Variants in MYL12B observed in about 807,000 individuals in gnomAD.
The protein encoded by MYL12B is myosin light chain 12B, also known as myosin regulatory light chain 12B.
MYL12B carries 3 observed loss-of-function variants against 12.9 expected under a neutral mutation model. The observed-to-expected ratio is 0.23, with a 90% CI of 0.11 to 0.60. MYL12B has a LOEUF of 0.60. Among genes scored for constraint, MYL12B ranks in the 20% least tolerant of loss-of-function variants. The probability of loss-of-function intolerance (pLI) is 0.89; values close to 1 mark genes in which losing one functional copy is unlikely to be tolerated. For missense variants in MYL12B, 120 were observed against 215.4 expected (o/e 0.56, Z 2.77); for synonymous variants, 57 against 71.9 (o/e 0.79, Z 1.05).
intron 1 of MYL12B, among the ~76,000 whole-genome samples, chr18:3,266,636 CT>C (rs1392069530): frequency 2.6e-5 from 4 of 152,146 alleles, no homozygotes; most frequent in African/African-American, 9.7e-5. Flanking sequence ...TTGTTGAACA[CT>C]TATGGCCTGC....
chr18:3,271,895 G>A (rs1042252354), intron 1 of MYL12B, among the ~76,000 whole-genome samples: 1 of 151,756 alleles, frequency 6.6e-6, no homozygotes, highest in Non-Finnish European at 1.5e-5. Context: ...ACGGAGAATG[G>A]AGGAATGATT....
At chr18:3,277,653 T>C in intron 3 of MYL12B, 112 bp from the exon 4 acceptor site, 1 of 1,366,466 alleles carries the variant, frequency 7.3e-7, no homozygotes, top group South Asian at 1.6e-5. Flanking sequence ...CTTACTTTGT[T>C]TATAGATATG....
chr18:3,262,641 G>A (rs1015144034), intron 1 of MYL12B: 3 of 152,528 alleles, frequency 2.0e-5, no homozygotes, highest in Non-Finnish European at 4.4e-5. Flanking sequence ...GGCGGGTCCT[G>A]GCGGTGGATT....
intron 2 of MYL12B, among the ~76,000 whole-genome samples, chr18:3,274,606 C>T (rs1160628807): frequency 6.6e-6 from 1 of 152,106 alleles, no homozygotes; most frequent in Non-Finnish European, 1.5e-5. Flanking sequence ...TCGGCATATG[C>T]CTTATTTGAA....
At chr18:3,277,226 T>C in intron 2 of MYL12B, 27 bp from the exon 3 acceptor site, 2 of 1,526,732 alleles carry the variant, frequency 1.3e-6, no homozygotes, top group Non-Finnish European at 1.8e-6. Context: ...TTTTTGTCTT[T>C]AAATGTTAAA....
intron 1 of MYL12B, among the ~76,000 whole-genome samples, chr18:3,266,036 AAGGAGACAGTGGCTTTATT>A (rs1392750455): frequency 2.0e-5 from 3 of 152,244 alleles, no homozygotes; most frequent in Admixed American, 2.0e-4. Flanking sequence ...TAAAGAGGTC[AAGGAGACAGTGGCTTTATT>A]ACTTTTCTAT....
intron 1 of MYL12B, among the ~76,000 whole-genome samples, chr18:3,265,916 T>C (rs1389010191): frequency 6.6e-6 from 1 of 152,188 alleles, no homozygotes; most frequent in Admixed American, 6.5e-5. Context: ...CTTTAAACTT[T>C]TCTGTTCAGA....
At chr18:3,264,125 G>T (rs2144350735) in intron 1 of MYL12B, among the ~76,000 whole-genome samples, 1 of 152,274 alleles carries the variant, frequency 6.6e-6, no homozygotes, top group Admixed American at 6.5e-5. Context: ...AGTTTCCTTA[G>T]GGATCTCTTG....
In MYL12B at chr18:3,278,035, GT is replaced by G; in HGVS notation, c.*101del. On this transcript the variant is annotated 3_prime_UTR_variant, in exon 4 of 4. Transcript: ENST00000237500. ...CATAGAACCTGTTGCATGCAACTTA[GT>G]TTCACAGCTTTGCCTCTTCTTTTTG... is the stretch of plus-strand genomic sequence containing the variant. The G allele has an allele frequency of 7.0e-7, 1 of 1,431,902 alleles. No homozygotes were observed. Among genetic ancestry groups the G allele is most frequent in the Non-Finnish European group, 9.4e-7 (1 of 1,059,310 alleles). 88.7% of individuals were successfully genotyped at this position (1,431,902 alleles called of 1,614,324 possible).
intron 1 of MYL12B, among the ~76,000 whole-genome samples, chr18:3,264,757 C>T (rs190191038): frequency 1.3e-3 from 197 of 152,180 alleles, no homozygotes; most frequent in African/African-American, 4.2e-3. Context: ...TGTACAATTC[C>T]ATTTATAAGA....
intron 1 of MYL12B, among the ~76,000 whole-genome samples, chr18:3,263,702 T>C (rs938324477): frequency 6.6e-6 from 1 of 152,244 alleles, no homozygotes; most frequent in African/African-American, 2.4e-5. Context: ...GAGTTTATCA[T>C]ACCCTTTTTG....
intron 2 of MYL12B, chr18:3,276,651 C>A: frequency 1.4e-6 from 1 of 715,476 alleles, no homozygotes; most frequent in Non-Finnish European, 1.7e-6. Context: ...AACTTATGGG[C>A]ATCTGTACCA....
At position 3,278,071 on chromosome 18, in the gene MYL12B, T is replaced by C; in HGVS notation, c.*134T>C. ...TTGCCTCTTCTTTTTGATGTATTTA[T>C]TCCAGACCTTTCTGCCACTTAGCAC... is the stretch of plus-strand genomic sequence containing the variant. On this transcript the variant is annotated 3_prime_UTR_variant, in exon 4 of 4. Transcript: ENST00000237500. The C allele has an allele frequency of 9.2e-7, 1 of 1,084,060 alleles. No homozygotes were observed. 67.2% of individuals were successfully genotyped at this position (1,084,060 alleles called of 1,614,324 possible).
rs1298548185 is a variant in MYL12B, at chr18:3,278,316, GGTAGTCCT to G, written c.*380_*387del. On this transcript the variant is annotated 3_prime_UTR_variant, in exon 4 of 4. Coordinates refer to ENST00000237500, the MANE Select transcript of MYL12B (RefSeq NM_033546.4). ...GTTAAACAAATGATTGATAGGTGGGGGTAGTCCTTTTTTCAGGTTTTCAACTTCATATG... is the reference window on the plus strand; with the variant it reads ...GTTAAACAAATGATTGATAGGTGGGGTTTTTCAGGTTTTCAACTTCATATG... 2 of 167,518 alleles carry G rather than the reference GGTAGTCCT, an allele frequency of 1.2e-5. No homozygotes were observed. Among genetic ancestry groups the G allele is most frequent in the East Asian group, 3.7e-4 (2 of 5,478 alleles). The allele number at this position is 167,518 out of a possible 1,614,324, so 10.4% of individuals were successfully genotyped here.
chr18:3,274,634 G>T (rs753062065), intron 2 of MYL12B, among the ~76,000 whole-genome samples: 3 of 152,180 alleles, frequency 2.0e-5, no homozygotes, highest in Admixed American at 6.5e-5. Flanking sequence ...TGAACACTCA[G>T]CAGTGTATGA....
At chr18:3,264,484 A>G (rs1181173756) in intron 1 of MYL12B, among the ~76,000 whole-genome samples, 3 of 152,132 alleles carry the variant, frequency 2.0e-5, no homozygotes, top group Admixed American at 2.0e-4. Flanking sequence ...TGGGGGGATC[A>G]TTTGAAGCCA....
chr18:3,277,682 A>G (rs2081744942), intron 3 of MYL12B, 83 bp from the exon 4 acceptor site: 1 of 1,460,300 alleles, frequency 6.8e-7, no homozygotes, highest in African/African-American at 1.4e-5. Context: ...GAAATATTTT[A>G]TACGATTGAC....
chr18:3,270,730 C>T (rs1285196371), intron 1 of MYL12B, among the ~76,000 whole-genome samples: 1 of 152,170 alleles, frequency 6.6e-6, no homozygotes, highest in East Asian at 1.9e-4. Context: ...AGGTTAGGGG[C>T]ACCATTACGG....
chr18:3,273,595 A>G (rs1455860639), intron 2 of MYL12B, among the ~76,000 whole-genome samples: 3 of 152,168 alleles, frequency 2.0e-5, no homozygotes, highest in Non-Finnish European at 4.4e-5. Flanking sequence ...AGCCATTTGT[A>G]TGTTGGTATA....
Sources: allele counts gnomAD v4.1 joint callset (sites outside exome capture counted in the v4.1 genomes callset), GRCh38; gene constraint gnomAD v4.1.1; transcripts MANE v1.5; gene names NCBI Gene and HGNC (gene_info 2026-07-23, HGNC 2026-07-21).